PTPRT: variants seen among roughly 807,000 people sequenced by gnomAD.
PTPRT encodes protein tyrosine phosphatase receptor type T.
PTPRT carries 56 observed loss-of-function variants against 176.8 expected under a neutral mutation model. That is an observed-to-expected ratio of 0.32 (90% CI 0.26 to 0.40). The LOEUF is 0.40. Among genes scored for constraint, PTPRT ranks in the 10% least tolerant of loss-of-function variants. The pLI is 1.00. For missense variants in PTPRT, 1,540 were observed against 1,908.2 expected (o/e 0.81, Z 3.60); for synonymous variants, 783 against 739.0 (o/e 1.06, Z -0.96).
intron 6 of PTPRT, chr20:42,688,563 C>G (rs1028203801): frequency 6.6e-6 from 1 of 152,158 alleles, no homozygotes; most frequent in Admixed American, 6.5e-5. Context: ...GTTTGAAATA[C>G]CTGGTGTGAT....
At chr20:42,805,561 G>C (rs889053489) in intron 2 of PTPRT, among the ~76,000 whole-genome samples, 1 of 152,202 alleles carries the variant, frequency 6.6e-6, no homozygotes, top group African/African-American at 2.4e-5. Context: ...ATCAGAGACA[G>C]TTTGCGGAGA....
chr20:42,412,686 T>C (rs1028447406), intron 9 of PTPRT, among the ~76,000 whole-genome samples: 4 of 152,158 alleles, frequency 2.6e-5, no homozygotes, highest in Non-Finnish European at 2.9e-5. Context: ...CTGTGATATA[T>C]TCATACAATC....
Position 42,191,151 on chromosome 20 carries a change from G to A in PTPRT, c.2491+8089C>T, listed in dbSNP as rs370121466. 9.9e-4 allele frequency among the ~76,000 whole-genome samples: 149 copies of A among 150,824 alleles called. 1 individual carries two copies. Among genetic ancestry groups the A allele is most frequent in the African/African-American group, 3.3e-3 (136 of 40,690 alleles). On this transcript the variant is annotated intron_variant, in intron 16 of 30. Coordinates refer to ENST00000373187, the MANE Select transcript of PTPRT (RefSeq NM_007050.6). ...CAAGGCCCCAGACTAGGAGGATTAA[G>A]TGATTGGCTGACACAACCAGAAATA...
intron 6 of PTPRT, among the ~76,000 whole-genome samples, chr20:42,727,080 T>C (rs2076392214): frequency 6.6e-6 from 1 of 152,176 alleles, no homozygotes; most frequent in Non-Finnish European, 1.5e-5. Context: ...ACGACGCCCA[T>C]CTTTTTAACA....
At chr20:42,194,177 A>G (rs542680830) in intron 16 of PTPRT, among the ~76,000 whole-genome samples, 22 of 152,348 alleles carry the variant, frequency 1.4e-4, no homozygotes, top group African/African-American at 5.1e-4. Flanking sequence ...TTTGTGATAT[A>G]ATACCTCATT....
At chr20:42,976,444 C>T (rs1006277296) in intron 1 of PTPRT, among the ~76,000 whole-genome samples, 2 of 151,588 alleles carry the variant, frequency 1.3e-5, no homozygotes, top group East Asian at 3.9e-4. Flanking sequence ...CTCGCTCTGT[C>T]GCCCAGGCTC....
chr20:42,904,765 C>T (rs1359679619), intron 1 of PTPRT, among the ~76,000 whole-genome samples: 1 of 152,076 alleles, frequency 6.6e-6, no homozygotes, highest in Non-Finnish European at 1.5e-5. Flanking sequence ...TAACACCACA[C>T]ATCTACAACC....
chr20:42,952,014 C>T (rs529767147), intron 1 of PTPRT, among the ~76,000 whole-genome samples: 100 of 152,258 alleles, frequency 6.6e-4, no homozygotes, highest in South Asian at 2.5e-3. Flanking sequence ...TTCTTGAACC[C>T]GGGCTATGAG....
intron 1 of PTPRT, among the ~76,000 whole-genome samples, chr20:43,018,185 TC>T (rs889399808): frequency 3.3e-5 from 5 of 152,180 alleles, no homozygotes; most frequent in Admixed American, 6.5e-5. Flanking sequence ...CAGGGCCCTT[TC>T]CTTTACCATG....
At chr20:42,052,263 C>A in the PTPRT span, among the ~76,000 whole-genome samples, 5,793 of 152,264 alleles carry the variant, frequency 0.038, 178 homozygotes, top group Middle Eastern at 0.058. Context: ...CTGGGCCCTG[C>A]CTGCTTCTGA....
intron 7 of PTPRT, among the ~76,000 whole-genome samples, chr20:42,667,954 G>A (rs1030401077): frequency 3.3e-5 from 5 of 152,142 alleles, no homozygotes; most frequent in Admixed American, 3.3e-4. Flanking sequence ...TGGGCAGAGT[G>A]AGGTTGTAAA....
At chr20:42,562,736 C>T (rs1476073297) in intron 7 of PTPRT, among the ~76,000 whole-genome samples, 1 of 152,144 alleles carries the variant, frequency 6.6e-6, no homozygotes, top group Non-Finnish European at 1.5e-5. Flanking sequence ...GAGTCCATCA[C>T]CCTCATCACT....
chr20:42,269,969 G>A (rs146697453), intron 13 of PTPRT, among the ~76,000 whole-genome samples: 26 of 152,220 alleles, frequency 1.7e-4, no homozygotes, highest in African/African-American at 6.3e-4. Flanking sequence ...CACTCCTTTG[G>A]CTGCACATGG....
Position 42,952,228 on chromosome 20 carries a change from A to T in PTPRT, c.89-66296T>A, listed in dbSNP as rs58050440. Among the ~76,000 whole-genome samples, 570 of 152,318 alleles carry T rather than the reference A, an allele frequency of 3.7e-3. 2 individuals carry two copies. Among genetic ancestry groups the T allele is most frequent in the African/African-American group, 0.013 (543 of 41,572 alleles). On this transcript the variant is annotated intron_variant, in intron 1 of 30. Transcript: ENST00000373187. ...GTCATGCCACCATGGCTAGCCATTA[A>T]AACCACTTCAGAAGCCTGGGCCCAT...
chr20:42,631,640 A>G (rs563713181), intron 7 of PTPRT, among the ~76,000 whole-genome samples: 2 of 152,282 alleles, frequency 1.3e-5, no homozygotes, highest in East Asian at 3.9e-4. Context: ...TGGGGATGAA[A>G]TGGTAAAACA....
At chr20:42,664,898 A>G (rs1406263468) in intron 7 of PTPRT, among the ~76,000 whole-genome samples, 3 of 152,250 alleles carry the variant, frequency 2.0e-5, no homozygotes, top group Non-Finnish European at 4.4e-5. Context: ...AGCCATATGT[A>G]GAAAGCTGAA....
chr20:42,355,613 C>A (rs1420986639), intron 9 of PTPRT, among the ~76,000 whole-genome samples: 1 of 152,104 alleles, frequency 6.6e-6, no homozygotes, highest in Non-Finnish European at 1.5e-5. Context: ...CAAATGGGGG[C>A]AAATGGAGTT....
At chr20:42,839,587 T>C (rs549057987) in intron 2 of PTPRT, among the ~76,000 whole-genome samples, 2 of 152,238 alleles carry the variant, frequency 1.3e-5, no homozygotes, top group South Asian at 4.1e-4. Context: ...TCCTACATGC[T>C]TTACAAATAA....
At chr20:42,379,614 T>A (rs1194881622) in intron 9 of PTPRT, among the ~76,000 whole-genome samples, 1 of 152,240 alleles carries the variant, frequency 6.6e-6, no homozygotes, top group Non-Finnish European at 1.5e-5. Context: ...AAAGGAGTTA[T>A]ATGCCAGGTA....
Sources: allele counts gnomAD v4.1 joint callset (sites outside exome capture counted in the v4.1 genomes callset), GRCh38; gene constraint gnomAD v4.1.1; transcripts MANE v1.5; gene names NCBI Gene and HGNC (gene_info 2026-07-23, HGNC 2026-07-21).